The following MBP variants were observed in gnomAD, a reference collection of about 807,000 sequenced individuals.
The protein encoded by MBP is myelin basic protein.
A neutral mutation model predicts 35.8 loss-of-function variants in MBP; 16 were observed. That is an observed-to-expected ratio of 0.45 (90% CI 0.30 to 0.68). The LOEUF (loss-of-function observed/expected upper bound fraction) is 0.68, where lower values mean the gene tolerates loss of function less well. Ranked by LOEUF, MBP falls within the 30% of genes least tolerant of loss-of-function variation. The probability of loss-of-function intolerance (pLI) is 0.08; values close to 1 mark genes in which losing one functional copy is unlikely to be tolerated. For synonymous variants in MBP, 143 were observed against 159.6 expected, an observed-to-expected ratio of 0.90 and a Z score of 0.78; for missense variants, 380 against 404.7, an observed-to-expected ratio of 0.94 and a Z score of 0.52.
chr18:76,994,041 G>T (rs1970128437), intron 4 of MBP, among the ~76,000 whole-genome samples: 1 of 152,240 alleles, frequency 6.6e-6, no homozygotes, highest in African/African-American at 2.4e-5. Context: ...GTGACCAGTT[G>T]TATTTAGTCA....
At chr18:77,023,287 C>T (rs1046782566) in intron 3 of MBP, among the ~76,000 whole-genome samples, 3 of 152,216 alleles carry the variant, frequency 2.0e-5, no homozygotes, top group African/African-American at 7.2e-5. Context: ...GGAAGCTCAT[C>T]TTCCACTGAG....
chr18:77,110,341 C>A (rs1383082693), intron 1 of MBP: 1 of 152,214 alleles, frequency 6.6e-6, no homozygotes, highest in Non-Finnish European at 1.5e-5. Context: ...CACCTGAGAA[C>A]TTCTTAGAAA....
At chr18:76,987,004 C>G in intron 7 of MBP, 1 of 985,348 alleles carries the variant, frequency 1.0e-6, no homozygotes, top group Non-Finnish European at 1.2e-6. Context: ...GACAAGCAGA[C>G]AAAATGCAGA....
At position 76,988,674 on chromosome 18, in the gene MBP, G is replaced by A; in HGVS notation, c.718-147C>T. On this transcript the variant is annotated intron_variant, in intron 6 of 8. Transcript: ENST00000355994. The surrounding 1 kb of genome is among the most constrained non-coding windows in gnomAD (Gnocchi z 5.2). ...AGCTCCGAGGGGGGCCGCAGGCTCA[G>A]GGCCACAGCGGCTGTGCAGGTGCGG... is the stretch of plus-strand genomic sequence containing the variant. 1.4e-6 allele frequency: 2 copies of A among 1,451,130 alleles called. No individual in the cohort carries two copies. Among genetic ancestry groups the A allele is most frequent in the Non-Finnish European group, 1.8e-6 (2 of 1,081,944 alleles). The allele number at this position is 1,451,130 out of a possible 1,614,324, so 89.9% of individuals were successfully genotyped here.
At chr18:77,133,424 A>G (rs907283395), upstream of MBP, 1 of 152,312 alleles carries the variant, frequency 6.6e-6, no homozygotes, top group African/African-American at 2.4e-5. Flanking sequence ...CGCAGGTGCG[A>G]GGAAGCAGCC....
intron 2 of MBP, among the ~76,000 whole-genome samples, chr18:77,071,581 T>C (rs1017945373): frequency 1.3e-5 from 2 of 152,190 alleles, no homozygotes; most frequent in African/African-American, 4.8e-5. Flanking sequence ...TCCATGACTG[T>C]ATTCTCTCCT....
intron 3 of MBP, chr18:77,066,038 T>C: frequency 2.5e-6 from 1 of 402,882 alleles, no homozygotes; most frequent in Non-Finnish European, 4.4e-6. Flanking sequence ...ATTTATTTTA[T>C]TTTTTGTAGA....
chr18:76,978,870 G>A lies in MBP; in HGVS notation c.*1557C>T, dbSNP rs990239833. 1 of 152,298 alleles carries A rather than the reference G, an allele frequency of 6.6e-6. No homozygotes were observed. The highest frequency in any genetic ancestry group is 1.9e-4 in the East Asian group (1 of 5,180). 9.4% of individuals were successfully genotyped at this position (152,298 alleles called of 1,614,324 possible). On this transcript the variant is annotated 3_prime_UTR_variant, in exon 9 of 9. Coordinates refer to ENST00000355994, the MANE Select transcript of MBP (RefSeq NM_001025101.2). ...TTTATTGTTTTATTTCAATATTCAG[G>A]AACAGTGTACACTTTCCGTTCAGCC...
At chr18:77,105,079 C>T in intron 2 of MBP, 132 bp downstream of exon 2, 1 of 524,044 alleles carries the variant, frequency 1.9e-6, no homozygotes, top group East Asian at 3.2e-5. Context: ...TTAACAAGGA[C>T]CAGGCTTCCA....
intron 2 of MBP, among the ~76,000 whole-genome samples, chr18:77,090,449 A>C (rs1975460568): frequency 1.3e-5 from 2 of 152,150 alleles, no homozygotes; most frequent in African/African-American, 4.8e-5. Flanking sequence ...TTCTCAAAAC[A>C]GACTTCCATA....
chr18:77,059,107 T>C (rs1973861971), intron 3 of MBP, among the ~76,000 whole-genome samples: 1 of 152,142 alleles, frequency 6.6e-6, no homozygotes, highest in South Asian at 2.1e-4. Flanking sequence ...CTGAAGCCTA[T>C]TAAAACAATT....
intron 2 of MBP, among the ~76,000 whole-genome samples, chr18:77,081,983 C>T (rs1418673796): frequency 6.6e-6 from 1 of 151,770 alleles, no homozygotes; most frequent in East Asian, 1.9e-4. Flanking sequence ...TCCCAAGTAG[C>T]TGGGACTACA....
At chr18:77,080,506 C>T (rs528537922) in intron 2 of MBP, among the ~76,000 whole-genome samples, 3 of 152,158 alleles carry the variant, frequency 2.0e-5, no homozygotes, top group East Asian at 3.9e-4. Flanking sequence ...GCATACCCTG[C>T]GTTGACAACC....
At chr18:77,100,849 G>A (rs1353002233) in intron 2 of MBP, among the ~76,000 whole-genome samples, 1 of 152,022 alleles carries the variant, frequency 6.6e-6, no homozygotes, top group East Asian at 1.9e-4. Flanking sequence ...CACCGCACCT[G>A]GCCTCGTTTG....
intron 2 of MBP, among the ~76,000 whole-genome samples, chr18:77,076,065 G>A (rs1974637987): frequency 6.6e-6 from 1 of 152,200 alleles, no homozygotes; most frequent in Non-Finnish European, 1.5e-5. Flanking sequence ...TGTGAGTTAC[G>A]GAATGGCAGT....
At chr18:77,107,324 C>T (rs943823669) in intron 1 of MBP, among the ~76,000 whole-genome samples, 3 of 152,194 alleles carry the variant, frequency 2.0e-5, no homozygotes, top group Non-Finnish European at 4.4e-5. Flanking sequence ...CTCCAAGTGC[C>T]TGTTCCTGGC....
chr18:77,013,137 T>G, intron 4 of MBP: 1 of 985,438 alleles, frequency 1.0e-6, no homozygotes, highest in Non-Finnish European at 1.2e-6. Context: ...ATAAGAAATC[T>G]CAAAAGGTAT....
intron 3 of MBP, among the ~76,000 whole-genome samples, chr18:77,035,510 T>C (rs1482748330): frequency 6.6e-6 from 1 of 152,242 alleles, no homozygotes; most frequent in Admixed American, 6.5e-5. Context: ...AGCCTTTGGC[T>C]GAGGAAGGCC....
chr18:77,005,506 G>C (rs3829620), intron 4 of MBP: 40,500 of 152,114 alleles, frequency 0.27, 6,728 homozygotes, highest in Admixed American at 0.4. Context: ...GGGAGGCTCA[G>C]AGACGTCTGT....
Sources: allele counts gnomAD v4.1 joint callset (sites outside exome capture counted in the v4.1 genomes callset), GRCh38; gene constraint gnomAD v4.1.1; non-coding constraint Gnocchi (gnomAD v3.1); transcripts MANE v1.5; gene names NCBI Gene and HGNC (gene_info 2026-07-23, HGNC 2026-07-21).